KNSTRN: variants seen among roughly 807,000 people sequenced by gnomAD.
KNSTRN encodes kinetochore localized astrin (SPAG5) binding protein.
KNSTRN carries 38 observed loss-of-function variants against 44.7 expected under a neutral mutation model. The ratio of observed to expected loss-of-function variants is 0.85; its 90% CI spans 0.66 to 1.11. KNSTRN has a LOEUF of 1.11. KNSTRN is among the 50% of genes most tolerant of loss of function. KNSTRN has a pLI of 0.00. For synonymous variants in KNSTRN, 158 were observed against 148.1 expected, an observed-to-expected ratio of 1.07 and a Z score of -0.48; for missense variants, 406 against 375.8, an observed-to-expected ratio of 1.08 and a Z score of -0.66.
chr15:40,393,395 G>T, intron 8 of KNSTRN, 74 bp from the exon 9 acceptor site: 5 of 1,594,678 alleles, frequency 3.1e-6, no homozygotes, highest in Non-Finnish European at 4.3e-6. Flanking sequence ...ATGTTCTGAT[G>T]TGGGAATTGT....
chr15:40,390,242 T>A (rs1026943597), intron 6 of KNSTRN, among the ~76,000 whole-genome samples: 1 of 152,248 alleles, frequency 6.6e-6, no homozygotes, highest in African/African-American at 2.4e-5. Context: ...AGGGAGAACA[T>A]TTTCTGTCTC....
rs1262523057 is a variant in KNSTRN, at chr15:40,393,624, C to G, written c.*27C>G. On this transcript the variant is annotated 3_prime_UTR_variant, in exon 9 of 9. Transcript: ENST00000249776. ...AAGAAGCAAGTGGCCAGATGGCTCC[C>G]TCTTGGGCATAAAATCTCAGAGGAA... is the stretch of plus-strand genomic sequence containing the variant. 11 of 1,603,920 alleles carry G rather than the reference C, an allele frequency of 6.9e-6. No individual in the cohort carries two copies. The highest frequency in any genetic ancestry group is 2.2e-5 in the East Asian group (1 of 44,774).
At chr15:40,392,422 C>T (rs1049498555) in intron 8 of KNSTRN, among the ~76,000 whole-genome samples, 9 of 152,194 alleles carry the variant, frequency 5.9e-5, no homozygotes, top group African/African-American at 1.9e-4. Flanking sequence ...GGCATGGTGG[C>T]TCACGCCTAT....
chr15:40,386,397 C>A lies in KNSTRN; in HGVS notation c.340C>A (p.Pro114Thr). Reference sequence around the variant, plus strand: ...TCGGGCCACTTCTAAGAGTCTCTTACCTGTTAGGTCCAAAGAAGTCGATGT... The same window carrying A: ...TCGGGCCACTTCTAAGAGTCTCTTAACTGTTAGGTCCAAAGAAGTCGATGT... ...QTRATSKSLL[P>T]VRSKEVDVSK... The change falls in exon 3 of 9, where the codon CCT (proline) becomes ACT (threonine). Residue 114 changes from proline to threonine, a missense_variant. Coordinates refer to ENST00000249776, the MANE Select transcript of KNSTRN (RefSeq NM_033286.4). 1 of 1,614,052 alleles carries A rather than the reference C, an allele frequency of 6.2e-7. No homozygotes were observed. Among genetic ancestry groups the A allele is most frequent in the Non-Finnish European group, 8.5e-7 (1 of 1,179,978 alleles).
intron 2 of KNSTRN, among the ~76,000 whole-genome samples, chr15:40,385,331 G>A (rs1450867848): frequency 6.6e-6 from 1 of 152,214 alleles, no homozygotes; most frequent in African/African-American, 2.4e-5. Context: ...CTCCTTTGGG[G>A]AAGAAGAGTG....
At chr15:40,390,589 G>T (rs1483965916) in intron 6 of KNSTRN, among the ~76,000 whole-genome samples, 1 of 151,938 alleles carries the variant, frequency 6.6e-6, no homozygotes, top group Non-Finnish European at 1.5e-5. Flanking sequence ...AATGTTACTG[G>T]TTAATCTTTA....
chr15:40,383,141 G>C (rs1180351399), intron 1 of KNSTRN, 87 bp from the exon 2 acceptor site: 1 of 1,583,880 alleles, frequency 6.3e-7, no homozygotes, highest in Non-Finnish European at 8.7e-7. Flanking sequence ...CCGAGCCGGG[G>C]CCTGTCGGGT....
intron 8 of KNSTRN, 126 bp downstream of exon 8, chr15:40,392,149 C>A: frequency 4.7e-6 from 3 of 640,354 alleles, no homozygotes; most frequent in Non-Finnish European, 7.4e-6. Context: ...AGGAAAGTTA[C>A]AAAGATAATA....
intron 2 of KNSTRN, chr15:40,384,486 G>T (rs996123592): frequency 6.6e-6 from 3 of 455,720 alleles, no homozygotes; most frequent in African/African-American, 6.0e-5. Flanking sequence ...TGGCACCAGC[G>T]GGGACTAGGA....
intron 2 of KNSTRN, among the ~76,000 whole-genome samples, chr15:40,385,599 A>G (rs180811531): frequency 3.0e-4 from 45 of 152,340 alleles, no homozygotes; most frequent in Non-Finnish European, 5.0e-4. Context: ...TGATGGGGAC[A>G]CAAAGATGCC....
chr15:40,383,035 G>C lies in KNSTRN; in HGVS notation c.200G>C (p.Arg67Pro). ...GAGAAGGACTGCGGGCAGGACCGGC[G>C]GGCTCCTGGGTTCGGCTCTCCCGGG... ...ESEKDCGQDR[R>P]APGVQPCRLV... The change falls in exon 1 of 9, where the codon CGG becomes CCG. Residue 67 changes from arginine to proline, a missense_variant. Coordinates refer to ENST00000249776, the MANE Select transcript of KNSTRN (RefSeq NM_033286.4). The C allele has an allele frequency of 1.2e-6, 2 of 1,610,612 alleles. No homozygotes were observed. Among genetic ancestry groups the C allele is most frequent in the Non-Finnish European group, 1.7e-6 (2 of 1,179,986 alleles).
In KNSTRN at chr15:40,391,223, C is replaced by T. The variant is rs139901507; in HGVS notation, c.686-270C>T. Among the ~76,000 whole-genome samples the T allele has an allele frequency of 9.8e-5, 15 of 152,294 alleles. No homozygotes were observed. The East Asian group carries it at 2.7e-3, about 27-fold the overall frequency. ...AAAAAAAATCCAACCTATACATTTCCTTTGGACAAATTGTCCACTGACCTA... is the reference window on the plus strand; with the variant it reads ...AAAAAAAATCCAACCTATACATTTCTTTTGGACAAATTGTCCACTGACCTA... On this transcript the variant is annotated intron_variant, in intron 6 of 8. Coordinates refer to ENST00000249776, the MANE Select transcript of KNSTRN (RefSeq NM_033286.4).
At chr15:40,383,877 C>T (rs1196766257) in intron 2 of KNSTRN, among the ~76,000 whole-genome samples, 1 of 152,226 alleles carries the variant, frequency 6.6e-6, no homozygotes, top group African/African-American at 2.4e-5. Context: ...TTTTTAATTG[C>T]TTTGCCATCT....
In KNSTRN at chr15:40,391,864, C is replaced by T. The variant is rs1276285537; in HGVS notation, c.748-85C>T. ...TCTCTCCTGACTCCTTTGTTGAGAA[C>T]TGTGTGGAAAGGATGTTAGCCATCA... On this transcript the variant is annotated intron_variant, in intron 7 of 8. Transcript: ENST00000249776. 3 of 1,030,754 alleles carry T rather than the reference C, an allele frequency of 2.9e-6. No homozygotes were observed. The African/African-American group carries it at 4.8e-5, about 17-fold the overall frequency. The allele number at this position is 1,030,754 out of a possible 1,614,324, so 63.9% of individuals were successfully genotyped here. A position where few individuals can be genotyped will look rare whatever the true frequency, so the allele number is the denominator to read the frequency against.
intron 2 of KNSTRN, among the ~76,000 whole-genome samples, chr15:40,385,792 T>C (rs953826855): frequency 1.3e-5 from 2 of 152,238 alleles, no homozygotes; most frequent in Admixed American, 6.5e-5. Flanking sequence ...GGTGTCCATC[T>C]CCATGTTCAC....
chr15:40,384,827 G>A (rs1889877353), intron 2 of KNSTRN: 1 of 159,830 alleles, frequency 6.3e-6, no homozygotes, highest in Non-Finnish European at 1.4e-5. Context: ...TCCTCTCCCA[G>A]TGTCTCCCAT....
chr15:40,393,101 T>G (rs569700689), intron 8 of KNSTRN: 5 of 1,353,712 alleles, frequency 3.7e-6, no homozygotes, highest in Non-Finnish European at 5.2e-6. Context: ...AGTTGGGAAT[T>G]GAGAACTATA....
chr15:40,387,341 A>G lies in KNSTRN; in HGVS notation c.485+135A>G, dbSNP rs1474837399. 4 of 740,392 alleles carry G rather than the reference A, an allele frequency of 5.4e-6. No individual in the cohort carries two copies. The East Asian group carries it at 8.0e-5, about 15-fold the overall frequency. 45.9% of individuals were successfully genotyped at this position (740,392 alleles called of 1,614,324 possible). On this transcript the variant is annotated intron_variant, in intron 4 of 8. Transcript: ENST00000249776. ...GTTCCACCTCAGGAACCTGAGTGGA[A>G]TTTTCAGGGGTGAGGCACAGCTAGG...
intron 6 of KNSTRN, among the ~76,000 whole-genome samples, chr15:40,391,142 AT>A (rs1889989916): frequency 6.6e-6 from 1 of 152,172 alleles, no homozygotes; most frequent in African/African-American, 2.4e-5. Context: ...GAAAGTAATA[AT>A]TTTTTAAGGC....
Sources: allele counts gnomAD v4.1 joint callset (sites outside exome capture counted in the v4.1 genomes callset), GRCh38; gene constraint gnomAD v4.1.1; transcripts MANE v1.5; gene names NCBI Gene and HGNC (gene_info 2026-07-23, HGNC 2026-07-21).